IPCEF1: variants seen among roughly 807,000 people sequenced by gnomAD.
The protein encoded by IPCEF1 is interaction protein for cytohesin exchange factors 1.
IPCEF1 carries 31 observed loss-of-function variants against 50.9 expected under a neutral mutation model. The ratio of observed to expected loss-of-function variants is 0.61; its 90% CI spans 0.46 to 0.82. The LOEUF (loss-of-function observed/expected upper bound fraction) is 0.82. Ranked by LOEUF, IPCEF1 falls within the 40% of genes least tolerant of loss-of-function variation. The pLI, the probability that IPCEF1 is intolerant of heterozygous loss-of-function variation, is 0.00. For missense variants in IPCEF1, 458 were observed against 514.0 expected, an observed-to-expected ratio of 0.89 and a Z score of 1.05; for synonymous variants, 181 against 192.0, an observed-to-expected ratio of 0.94 and a Z score of 0.47.
intron 1 of IPCEF1, among the ~76,000 whole-genome samples, chr6:154,291,842 G>C (rs552792169): frequency 6.6e-6 from 1 of 151,828 alleles, no homozygotes; most frequent in Non-Finnish European, 1.5e-5. Context: ...CCACCACCAC[G>C]CCCGGCTAAT....
intron 5 of IPCEF1, among the ~76,000 whole-genome samples, chr6:154,240,597 T>C (rs1260336090): frequency 2.6e-5 from 4 of 152,202 alleles, no homozygotes; most frequent in Non-Finnish European, 5.9e-5. Context: ...ATTTTGACTT[T>C]CAAGTAACAT....
intron 10 of IPCEF1, among the ~76,000 whole-genome samples, chr6:154,192,581 A>C (rs1409761619): frequency 6.6e-6 from 1 of 152,184 alleles, no homozygotes; most frequent in East Asian, 1.9e-4. Flanking sequence ...AGCAACCCAG[A>C]GAGTGGGAGA....
intron 3 of IPCEF1, among the ~76,000 whole-genome samples, chr6:154,253,536 T>C (rs918420087): frequency 4.6e-5 from 7 of 152,236 alleles, no homozygotes. Flanking sequence ...TGATGCACAT[T>C]GAAATTATTT....
At chr6:154,337,339 TG>T (rs2128696179) in intron 1 of IPCEF1, among the ~76,000 whole-genome samples, 1 of 152,328 alleles carries the variant, frequency 6.6e-6, no homozygotes, top group African/African-American at 2.4e-5. Context: ...AGACACTGAG[TG>T]TGAATTTAAG....
At chr6:154,232,767 T>A (rs1254272238) in intron 5 of IPCEF1, among the ~76,000 whole-genome samples, 2 of 152,052 alleles carry the variant, frequency 1.3e-5, no homozygotes, top group African/African-American at 4.8e-5. Flanking sequence ...GTACTCACAG[T>A]GAATAAGCAG....
At chr6:154,333,824 T>C (rs1300086623) in intron 1 of IPCEF1, among the ~76,000 whole-genome samples, 1 of 151,966 alleles carries the variant, frequency 6.6e-6, no homozygotes, top group Non-Finnish European at 1.5e-5. Flanking sequence ...TAAATATATA[T>C]ATACATATTT....
At chr6:154,244,714 G>T (rs1780892214) in intron 5 of IPCEF1, among the ~76,000 whole-genome samples, 1 of 152,166 alleles carries the variant, frequency 6.6e-6, no homozygotes, top group African/African-American at 2.4e-5. Flanking sequence ...AGCCCAATCT[G>T]GAAGCCTGTG....
chr6:154,262,084 G>A (rs996184747), intron 3 of IPCEF1, among the ~76,000 whole-genome samples: 3 of 152,230 alleles, frequency 2.0e-5, no homozygotes, highest in African/African-American at 7.2e-5. Context: ...CTGAAAAGCT[G>A]CTGGAAGAAA....
intron 1 of IPCEF1, among the ~76,000 whole-genome samples, chr6:154,345,552 G>A (rs1784011497): frequency 6.6e-6 from 1 of 152,196 alleles, no homozygotes; most frequent in East Asian, 1.9e-4. Context: ...CACCTGCTAT[G>A]ACACCTCCCA....
chr6:154,186,529 C>A (rs565864653), intron 10 of IPCEF1, among the ~76,000 whole-genome samples: 3 of 152,090 alleles, frequency 2.0e-5, no homozygotes, highest in Non-Finnish European at 4.4e-5. Flanking sequence ...TGTCCGTGCA[C>A]GGAGCCAGAG....
chr6:154,301,754 C>T (rs1583965609), intron 1 of IPCEF1, among the ~76,000 whole-genome samples: 1 of 151,938 alleles, frequency 6.6e-6, no homozygotes, highest in African/African-American at 2.4e-5. Flanking sequence ...TGAACCAGGA[C>T]ATATAAAAAG....
At chr6:154,302,018 T>G (rs1457275274) in intron 1 of IPCEF1, among the ~76,000 whole-genome samples, 1 of 152,214 alleles carries the variant, frequency 6.6e-6, no homozygotes, top group African/African-American at 2.4e-5. Flanking sequence ...TTCCTTGTTG[T>G]GTGCTGGATG....
chr6:154,205,262 A>G (rs1777397827), intron 9 of IPCEF1, among the ~76,000 whole-genome samples: 1 of 152,068 alleles, frequency 6.6e-6, no homozygotes. Context: ...ATCTAGTTCC[A>G]TTCAGCATCC....
intron 2 of IPCEF1, among the ~76,000 whole-genome samples, chr6:154,275,350 T>G (rs1782029696): frequency 1.3e-5 from 2 of 152,164 alleles, no homozygotes. Flanking sequence ...AAGGTATCAA[T>G]TATGAGGCCC....
intron 10 of IPCEF1, among the ~76,000 whole-genome samples, chr6:154,183,353 C>CA (rs1477662025): frequency 4.6e-5 from 7 of 152,204 alleles, no homozygotes; most frequent in African/African-American, 1.7e-4. Context: ...TATGTACTTG[C>CA]ATAACATGAC....
chr6:154,329,443 A>C (rs894118684), intron 1 of IPCEF1, among the ~76,000 whole-genome samples: 1 of 152,058 alleles, frequency 6.6e-6, no homozygotes, highest in Non-Finnish European at 1.5e-5. Flanking sequence ...AAAAAATAAA[A>C]AAAATTAGCC....
intron 11 of IPCEF1, among the ~76,000 whole-genome samples, chr6:154,166,324 A>G (rs184933275): frequency 2.0e-5 from 3 of 152,332 alleles, no homozygotes; most frequent in East Asian, 3.9e-4. Flanking sequence ...GTAAAGATCT[A>G]GAATCCTGAG....
chr6:154,302,537 T>C (rs1172598945), intron 1 of IPCEF1, among the ~76,000 whole-genome samples: 4 of 152,118 alleles, frequency 2.6e-5, no homozygotes, highest in African/African-American at 7.2e-5. Context: ...TGCAGTGGCA[T>C]GAGCTCAGTT....
At chr6:154,220,978 T>C (rs1021769504) in intron 7 of IPCEF1, among the ~76,000 whole-genome samples, 1 of 152,254 alleles carries the variant, frequency 6.6e-6, no homozygotes, top group Non-Finnish European at 1.5e-5. Context: ...CTTGTGATGC[T>C]GATTCTCCTT....
Sources: allele counts gnomAD v4.1 joint callset (sites outside exome capture counted in the v4.1 genomes callset), GRCh38; gene constraint gnomAD v4.1.1; transcripts MANE v1.5; gene names NCBI Gene and HGNC (gene_info 2026-07-23, HGNC 2026-07-21).